The following CRK variants were observed in gnomAD, a reference collection of about 807,000 sequenced individuals.
The protein encoded by CRK is adapter molecule crk.
In CRK, 4 loss-of-function variants were observed where a neutral mutation model predicts 29.8. The observed-to-expected ratio is 0.13, with a 90% CI of 0.07 to 0.31. The LOEUF (loss-of-function observed/expected upper bound fraction) is 0.31, where lower values mean the gene tolerates loss of function less well. Among genes scored for constraint, CRK ranks in the 10% least tolerant of loss-of-function variants. The probability of loss-of-function intolerance (pLI) is 1.00; values close to 1 mark genes in which losing one functional copy is unlikely to be tolerated. For missense variants in CRK, 274 were observed against 396.5 expected, an observed-to-expected ratio of 0.69 and a Z score of 2.62; for synonymous variants, 153 against 164.9, an observed-to-expected ratio of 0.93 and a Z score of 0.55.
chr17:1,422,860 C>T lies in CRK; in HGVS notation c.*653G>A, dbSNP rs1368236066. On this transcript the variant is annotated 3_prime_UTR_variant, in exon 3 of 3. Coordinates refer to ENST00000300574, the MANE Select transcript of CRK (RefSeq NM_016823.4). The stretch of plus-strand genomic sequence containing the variant: ...TTTTCACCTGGAATGAAAATACACA[C>T]TTATCTTAGGAATTCACCTACTTAC... 8 of 398,354 alleles carry T rather than the reference C, an allele frequency of 2.0e-5. No individual in the cohort carries two copies. The highest frequency in any genetic ancestry group is 1.0e-4 in the African/African-American group (5 of 48,636). 24.7% of individuals were successfully genotyped at this position (398,354 alleles called of 1,614,324 possible). A position where few individuals can be genotyped will look rare whatever the true frequency, so the allele number is the denominator to read the frequency against.
In CRK at chr17:1,423,211, G is replaced by A; in HGVS notation, c.*302C>T. The stretch of plus-strand genomic sequence containing the variant: ...CTTCCTGTCCATCGGTTTTCCACAG[G>A]GTGATTTGCACTGCCTGAGAGAAAG... On this transcript the variant is annotated 3_prime_UTR_variant, in exon 3 of 3. Coordinates refer to ENST00000300574, the MANE Select transcript of CRK (RefSeq NM_016823.4). 1 of 497,794 alleles carries A rather than the reference G, an allele frequency of 2.0e-6. No homozygotes were observed. The highest frequency in any genetic ancestry group is 3.5e-6 in the Non-Finnish European group (1 of 283,426). 30.8% of individuals were successfully genotyped at this position (497,794 alleles called of 1,614,324 possible).
chr17:1,441,584 C>T (rs981448498), intron 1 of CRK, among the ~76,000 whole-genome samples: 22 of 151,282 alleles, frequency 1.5e-4, no homozygotes, highest in Admixed American at 9.2e-4. Flanking sequence ...CTCCACCTCC[C>T]GGGTTCAAGC....
At chr17:1,430,940 C>T (rs55870033) in intron 2 of CRK, among the ~76,000 whole-genome samples, 3,310 of 151,772 alleles carry the variant, frequency 0.022, 120 homozygotes, top group African/African-American at 0.075. Flanking sequence ...TGGTAGCAGG[C>T]GCCTGTAGTC....
chr17:1,453,976 G>C (rs1568024456), intron 1 of CRK, among the ~76,000 whole-genome samples: 1 of 151,802 alleles, frequency 6.6e-6, no homozygotes, highest in Non-Finnish European at 1.5e-5. Context: ...AAAGGCGAGT[G>C]GATCACCTGA....
At chr17:1,450,458 G>T (rs530315761) in intron 1 of CRK, among the ~76,000 whole-genome samples, 10 of 152,036 alleles carry the variant, frequency 6.6e-5, no homozygotes, top group Non-Finnish European at 1.3e-4. Flanking sequence ...AGTGAGCCGA[G>T]ATCGCGCCAC....
chr17:1,440,263 C>T (rs1253520603), intron 1 of CRK, among the ~76,000 whole-genome samples: 1 of 151,186 alleles, frequency 6.6e-6, no homozygotes, highest in Non-Finnish European at 1.5e-5. Context: ...CGCGCCACTG[C>T]ACTCCAGCCT....
intron 1 of CRK, among the ~76,000 whole-genome samples, chr17:1,453,734 C>A (rs1045643539): frequency 7.2e-5 from 11 of 151,822 alleles, no homozygotes; most frequent in African/African-American, 2.7e-4. Context: ...TGGCGAAACC[C>A]CAACCCTACT....
chr17:1,445,307 T>G (rs2073967302), intron 1 of CRK, among the ~76,000 whole-genome samples: 1 of 152,130 alleles, frequency 6.6e-6, no homozygotes, highest in African/African-American at 2.4e-5. Flanking sequence ...GCCGTACATT[T>G]TTCATATTAC....
chr17:1,448,664 T>C (rs946925115), intron 1 of CRK, among the ~76,000 whole-genome samples: 29 of 143,928 alleles, frequency 2.0e-4, no homozygotes, highest in African/African-American at 6.8e-4. Context: ...TCGTACATTA[T>C]AGGTGCTCAA....
intron 2 of CRK, among the ~76,000 whole-genome samples, chr17:1,425,648 C>T (rs2073771470): frequency 6.6e-6 from 1 of 152,200 alleles, no homozygotes; most frequent in Admixed American, 6.5e-5. Context: ...TACTGGGTTC[C>T]CTAAAAATGT....
At position 1,423,101 on chromosome 17, in the gene CRK, G is replaced by T. The variant is rs2073743469; in HGVS notation, c.*412C>A. On this transcript the variant is annotated 3_prime_UTR_variant, in exon 3 of 3. Transcript: ENST00000300574. ...ATGATTACTTCACGGGGGTGGAACGGAACAGTCTGTCGCCATTTGATAGTA... is the reference window on the plus strand; with the variant it reads ...ATGATTACTTCACGGGGGTGGAACGTAACAGTCTGTCGCCATTTGATAGTA... 2 of 421,456 alleles carry T rather than the reference G, an allele frequency of 4.7e-6. No homozygotes were observed. The highest frequency in any genetic ancestry group is 2.0e-5 in the African/African-American group (1 of 48,918). 26.1% of individuals were successfully genotyped at this position (421,456 alleles called of 1,614,324 possible). A position where few individuals can be genotyped will look rare whatever the true frequency, so the allele number is the denominator to read the frequency against.
At chr17:1,447,110 C>T (rs1009262287) in intron 1 of CRK, among the ~76,000 whole-genome samples, 3 of 151,642 alleles carry the variant, frequency 2.0e-5, no homozygotes, top group Non-Finnish European at 4.4e-5. Flanking sequence ...CACATAAGTC[C>T]CAGATAAGCC....
Position 1,436,805 on chromosome 17 carries a change from A to C in CRK, c.592T>G (p.Ser198Ala). The C allele has an allele frequency of 6.3e-7, 1 of 1,582,266 alleles. No homozygotes were observed. Among genetic ancestry groups the C allele is most frequent in the Non-Finnish European group, 8.6e-7 (1 of 1,165,306 alleles). ...EKYRPASASV[S>A]ALIGGNQEGS... ...TCCTGGTTACCTCCAATCAGAGCCG[A>C]TACTGAGGCGGAGGCAGGTCTATAC... is the stretch of plus-strand genomic sequence containing the variant. Residue 198 changes from serine to alanine, a missense_variant, in exon 2 of 3, where the codon TCG (serine) becomes GCG (alanine). Physicochemically the swap from Ser to Ala is moderately conservative, Grantham distance 99. Coordinates refer to ENST00000300574, the MANE Select transcript of CRK (RefSeq NM_016823.4).
At chr17:1,449,265 T>C (rs75954573) in intron 1 of CRK, among the ~76,000 whole-genome samples, 10,695 of 152,142 alleles carry the variant, frequency 0.07, 450 homozygotes, top group East Asian at 0.1. Context: ...ACGGATGCAC[T>C]CCACCCAGGC....
intron 1 of CRK, among the ~76,000 whole-genome samples, chr17:1,441,064 T>C (rs552725455): frequency 6.6e-6 from 1 of 152,244 alleles, no homozygotes; most frequent in South Asian, 2.1e-4. Context: ...GCCTCCTGAG[T>C]AGCTGGGCCT....
At chr17:1,440,550 CAGG>C (rs1387978490) in intron 1 of CRK, among the ~76,000 whole-genome samples, 1 of 152,092 alleles carries the variant, frequency 6.6e-6, no homozygotes, top group Non-Finnish European at 1.5e-5. Context: ...GAGGCCAAGG[CAGG>C]AGGACTGATT....
At chr17:1,426,564 C>T (rs976535037) in intron 2 of CRK, 1 of 152,022 alleles carries the variant, frequency 6.6e-6, no homozygotes, top group African/African-American at 2.4e-5. Context: ...AACCTCATTT[C>T]TACAAAAAAT....
At chr17:1,445,005 G>A (rs536585957) in intron 1 of CRK, among the ~76,000 whole-genome samples, 497 of 150,944 alleles carry the variant, frequency 3.3e-3, no homozygotes, top group Non-Finnish European at 5.5e-3. Flanking sequence ...AAAATTAGCC[G>A]GGCATGGTGG....
intron 2 of CRK, among the ~76,000 whole-genome samples, chr17:1,433,940 T>G (rs1011772351): frequency 6.6e-6 from 1 of 150,860 alleles, no homozygotes; most frequent in African/African-American, 2.4e-5. Context: ...ACTCAAGCGA[T>G]CCTCCCACCT....
Sources: allele counts gnomAD v4.1 joint callset (sites outside exome capture counted in the v4.1 genomes callset), GRCh38; gene constraint gnomAD v4.1.1; transcripts MANE v1.5; gene names NCBI Gene and HGNC (gene_info 2026-07-23, HGNC 2026-07-21).